LDB2: variants seen among roughly 807,000 people sequenced by gnomAD.
The protein encoded by LDB2 is LIM domain binding 2.
In LDB2, 12 loss-of-function variants were observed where a neutral mutation model predicts 44.3. The ratio of observed to expected loss-of-function variants is 0.27; its 90% CI spans 0.17 to 0.44. The LOEUF is 0.44. LDB2 is among the 20% of genes least tolerant of loss of function. The pLI, the probability that LDB2 is intolerant of heterozygous loss-of-function variation, is 1.00. For missense variants in LDB2, 344 were observed against 473.5 expected (o/e 0.73, Z 2.54); for synonymous variants, 164 against 174.8 (o/e 0.94, Z 0.49).
chr4:16,778,434 C>T (rs1213276165), intron 1 of LDB2, among the ~76,000 whole-genome samples: 1 of 152,152 alleles, frequency 6.6e-6, no homozygotes, highest in Non-Finnish European at 1.5e-5. Context: ...GGCTCCCTGC[C>T]CGCCCTACCT....
chr4:16,511,958 G>C (rs1721918136), intron 6 of LDB2, 23 bp downstream of exon 6: 1 of 1,604,460 alleles, frequency 6.2e-7, no homozygotes, highest in Middle Eastern at 1.7e-4. Context: ...TGTTTAGAGA[G>C]AGAGTGAAGA....
At chr4:16,578,552 T>C (rs1712832501) in intron 5 of LDB2, among the ~76,000 whole-genome samples, 1 of 152,124 alleles carries the variant, frequency 6.6e-6, no homozygotes, top group Non-Finnish European at 1.5e-5. Context: ...AGACAGTCAA[T>C]AACAAATGCT....
At chr4:16,828,884 G>A (rs1041706055) in intron 1 of LDB2, among the ~76,000 whole-genome samples, 4 of 152,078 alleles carry the variant, frequency 2.6e-5, no homozygotes, top group Non-Finnish European at 2.9e-5. Flanking sequence ...CCTGCAACAC[G>A]GCACCCTGCA....
At chr4:16,572,676 C>G (rs1746998500) in intron 5 of LDB2, among the ~76,000 whole-genome samples, 1 of 152,180 alleles carries the variant, frequency 6.6e-6, no homozygotes, top group Admixed American at 6.5e-5. Context: ...ACTGACCTGT[C>G]TGTAACTTAT....
chr4:16,591,635 C>T (rs567646161), intron 3 of LDB2, among the ~76,000 whole-genome samples: 62 of 152,312 alleles, frequency 4.1e-4, no homozygotes, highest in African/African-American at 1.3e-3. Context: ...AGCCACTCCA[C>T]ACCCTGTACC....
intron 1 of LDB2, among the ~76,000 whole-genome samples, chr4:16,830,974 G>A (rs186116646): frequency 1.3e-4 from 20 of 152,222 alleles, no homozygotes; most frequent in Admixed American, 8.5e-4. Flanking sequence ...AAGGATGTGC[G>A]GATCTCATGG....
intron 2 of LDB2, among the ~76,000 whole-genome samples, chr4:16,661,729 T>G (rs867743346): frequency 6.6e-6 from 1 of 152,180 alleles, no homozygotes. Flanking sequence ...GGCATCAGTA[T>G]TTTGAATGAC....
chr4:16,718,450 A>T (rs1201184349), intron 2 of LDB2, among the ~76,000 whole-genome samples: 6 of 152,120 alleles, frequency 3.9e-5, no homozygotes, highest in African/African-American at 1.4e-4. Flanking sequence ...TGGCTTTAAA[A>T]ATTTCTGATG....
intron 2 of LDB2, among the ~76,000 whole-genome samples, chr4:16,676,812 A>G (rs1746447240): frequency 6.6e-6 from 1 of 152,242 alleles, no homozygotes; most frequent in Non-Finnish European, 1.5e-5. Flanking sequence ...AATGAGATCC[A>G]AGTCAAGGAA....
intron 1 of LDB2, among the ~76,000 whole-genome samples, chr4:16,897,636 G>C (rs1445269643): frequency 6.6e-6 from 1 of 151,960 alleles, no homozygotes; most frequent in African/African-American, 2.4e-5. Flanking sequence ...GAGCTGACTT[G>C]AAAGCTGAAC....
At chr4:16,711,357 C>G (rs551802095) in intron 2 of LDB2, among the ~76,000 whole-genome samples, 1 of 152,148 alleles carries the variant, frequency 6.6e-6, no homozygotes, top group Non-Finnish European at 1.5e-5. Flanking sequence ...GGCTCTCTCG[C>G]GTGCTCAAAG....
At chr4:16,636,147 A>G (rs1476022679) in intron 2 of LDB2, among the ~76,000 whole-genome samples, 2 of 152,256 alleles carry the variant, frequency 1.3e-5, no homozygotes, top group East Asian at 1.9e-4. Context: ...GGCAAATCCT[A>G]AAAGTCATCG....
chr4:16,630,727 A>G (rs996157339), intron 2 of LDB2, among the ~76,000 whole-genome samples: 5 of 152,186 alleles, frequency 3.3e-5, no homozygotes, highest in African/African-American at 1.2e-4. Context: ...GGCTCAAAGT[A>G]AAGGGATGGA....
At chr4:16,653,383 G>T (rs1738855953) in intron 2 of LDB2, among the ~76,000 whole-genome samples, 2 of 152,162 alleles carry the variant, frequency 1.3e-5, no homozygotes, top group African/African-American at 2.4e-5. Flanking sequence ...ATTGGCATTT[G>T]GTGATTTAAA....
At chr4:16,597,155 G>A (rs1027456) in intron 2 of LDB2, among the ~76,000 whole-genome samples, 97,327 of 151,824 alleles carry the variant, frequency 0.64, 31,374 homozygotes, top group Middle Eastern at 0.74. Context: ...ACATGAACTT[G>A]GAAAAAATAA....
At chr4:16,569,138 AG>A (rs1466146923) in intron 5 of LDB2, among the ~76,000 whole-genome samples, 2 of 152,162 alleles carry the variant, frequency 1.3e-5, no homozygotes, top group African/African-American at 4.8e-5. Flanking sequence ...TTTTTTCTTT[AG>A]GTAAAGCACA....
At chr4:16,601,036 C>T (rs892776482) in intron 2 of LDB2, among the ~76,000 whole-genome samples, 3 of 151,636 alleles carry the variant, frequency 2.0e-5, no homozygotes, top group African/African-American at 4.8e-5. Flanking sequence ...AAAGAAACTG[C>T]GTGTAGAAAA....
At chr4:16,772,135 T>C (rs1297510704) in intron 1 of LDB2, among the ~76,000 whole-genome samples, 1 of 152,114 alleles carries the variant, frequency 6.6e-6, no homozygotes, top group Admixed American at 6.5e-5. Flanking sequence ...TTTCCTCTCT[T>C]TGGTGTGGTT....
chr4:16,640,360 T>C (rs1279918314), intron 2 of LDB2, among the ~76,000 whole-genome samples: 1 of 152,208 alleles, frequency 6.6e-6, no homozygotes, highest in Non-Finnish European at 1.5e-5. Flanking sequence ...AGATAGTTAG[T>C]GGATTATAGA....
Sources: allele counts gnomAD v4.1 joint callset (sites outside exome capture counted in the v4.1 genomes callset), GRCh38; gene constraint gnomAD v4.1.1; transcripts MANE v1.5; gene names NCBI Gene and HGNC (gene_info 2026-07-23, HGNC 2026-07-21).